The following CSMD1 variants were observed in gnomAD, a reference collection of about 807,000 sequenced individuals.
CSMD1 encodes the protein CUB and sushi domain-containing protein 1.
Under a neutral mutation model 417.5 loss-of-function variants are expected in CSMD1, and 213 were observed. The ratio of observed to expected loss-of-function variants is 0.51; its 90% confidence interval spans 0.46 to 0.57. The LOEUF (loss-of-function observed/expected upper bound fraction) is 0.57, where lower values mean the gene tolerates loss of function less well. Ranked by LOEUF, CSMD1 falls within the 20% of genes least tolerant of loss-of-function variation. CSMD1 has a pLI of 0.00. For synonymous variants in CSMD1, 2,862 were observed against 1,736.8 expected (o/e 1.65, Z -16.11); for missense variants, 6,923 against 4,529.7 (o/e 1.53, Z -15.17).
chr8:4,856,101 G>T (rs1249922645), intron 1 of CSMD1, among the ~76,000 whole-genome samples: 1 of 152,032 alleles, frequency 6.6e-6, no homozygotes, highest in Non-Finnish European at 1.5e-5. Context: ...GAGAGTGGGG[G>T]CCAATATTCA....
intron 1 of CSMD1, among the ~76,000 whole-genome samples, chr8:4,895,345 T>A (rs1804412644): frequency 6.6e-6 from 1 of 152,092 alleles, no homozygotes; most frequent in East Asian, 1.9e-4. Flanking sequence ...GTTTCTGGAG[T>A]AATGTAAGTG....
intron 26 of CSMD1, among the ~76,000 whole-genome samples, chr8:3,281,336 C>T (rs78636048): frequency 0.16 from 24,870 of 151,716 alleles, 2,333 homozygotes; most frequent in East Asian, 0.28. Context: ...CCCAGCTACT[C>T]GGGAGGCTGA....
At chr8:3,138,273 G>A (rs1021613278) in intron 41 of CSMD1, among the ~76,000 whole-genome samples, 90 of 152,142 alleles carry the variant, frequency 5.9e-4, no homozygotes, top group African/African-American at 2.0e-3. Context: ...AAATAAGGCA[G>A]CTTCCTTCTG....
chr8:3,442,752 C>T (rs577997166), intron 12 of CSMD1, among the ~76,000 whole-genome samples: 18 of 152,196 alleles, frequency 1.2e-4, no homozygotes, highest in African/African-American at 3.4e-4. Flanking sequence ...CACATACACA[C>T]GTACATATAT....
At chr8:4,372,572 G>A (rs150605101) in intron 3 of CSMD1, among the ~76,000 whole-genome samples, 1 of 151,496 alleles carries the variant, frequency 6.6e-6, no homozygotes, top group African/African-American at 2.4e-5. Context: ...GCTGTTTCTA[G>A]GTTTGAGGTA....
intron 1 of CSMD1, among the ~76,000 whole-genome samples, chr8:4,893,209 G>C (rs904515826): frequency 1.3e-5 from 2 of 152,066 alleles, no homozygotes; most frequent in East Asian, 1.9e-4. Flanking sequence ...TAAAATAGTT[G>C]TATTGGTATC....
intron 5 of CSMD1, among the ~76,000 whole-genome samples, chr8:3,761,094 G>C (rs1156708452): frequency 1.3e-5 from 2 of 152,002 alleles, no homozygotes; most frequent in East Asian, 1.9e-4. Context: ...GTTTTGAATT[G>C]GCTGTTACTC....
intron 3 of CSMD1, among the ~76,000 whole-genome samples, chr8:4,376,654 C>G (rs997169614): frequency 6.6e-6 from 1 of 152,142 alleles, no homozygotes; most frequent in South Asian, 2.1e-4. Flanking sequence ...CATTCTATAG[C>G]CGTGCTCATA....
At chr8:3,542,936 A>T (rs1232757388) in intron 10 of CSMD1, among the ~76,000 whole-genome samples, 1 of 150,728 alleles carries the variant, frequency 6.6e-6, no homozygotes, top group Non-Finnish European at 1.5e-5. Flanking sequence ...CTCTCCTGAG[A>T]CTTGGGGGAC....
intron 1 of CSMD1, among the ~76,000 whole-genome samples, chr8:4,777,301 G>A (rs977429488): frequency 2.6e-5 from 4 of 152,208 alleles, no homozygotes; most frequent in African/African-American, 4.8e-5. Context: ...TCAGTAGGTG[G>A]ACGAAACCAG....
chr8:4,928,506 A>AGC (rs1807027106), intron 1 of CSMD1, among the ~76,000 whole-genome samples: 1 of 152,188 alleles, frequency 6.6e-6, no homozygotes, highest in Non-Finnish European at 1.5e-5. Flanking sequence ...TGAGCAAGTT[A>AGC]CTGGCCCTCC....
chr8:3,564,677 A>G (rs1799623029), intron 10 of CSMD1, among the ~76,000 whole-genome samples: 1 of 152,086 alleles, frequency 6.6e-6, no homozygotes, highest in Non-Finnish European at 1.5e-5. Flanking sequence ...GTGTTATAAG[A>G]AAATCAATCC....
At chr8:4,903,963 A>T (rs534313657) in intron 1 of CSMD1, among the ~76,000 whole-genome samples, 1 of 152,196 alleles carries the variant, frequency 6.6e-6, no homozygotes, top group South Asian at 2.1e-4. Flanking sequence ...AATTTAAATA[A>T]ATCTTCTCAT....
chr8:3,833,933 G>C (rs149022242), intron 5 of CSMD1, among the ~76,000 whole-genome samples: 168 of 152,154 alleles, frequency 1.1e-3, no homozygotes, highest in Middle Eastern at 3.4e-3. Flanking sequence ...ATGTATTATT[G>C]GTTGGTTGTT....
At chr8:3,311,811 G>C (rs879784921) in intron 23 of CSMD1, among the ~76,000 whole-genome samples, 1 of 151,918 alleles carries the variant, frequency 6.6e-6, no homozygotes, top group Non-Finnish European at 1.5e-5. Context: ...CTTCACTGGA[G>C]ACATGTGTAA....
chr8:4,706,317 TAAATA>T (rs1379479920), intron 1 of CSMD1, among the ~76,000 whole-genome samples: 4 of 152,032 alleles, frequency 2.6e-5, no homozygotes, highest in South Asian at 2.1e-4. Flanking sequence ...AAATAAGAAA[TAAATA>T]AAATACTTTT....
chr8:3,287,638 T>A (rs536494925), intron 25 of CSMD1, among the ~76,000 whole-genome samples: 4 of 152,198 alleles, frequency 2.6e-5, no homozygotes, highest in Admixed American at 2.0e-4. Context: ...CTTGTGATTT[T>A]TGCACATTGA....
At chr8:3,602,444 C>T (rs1224388403) in intron 8 of CSMD1, among the ~76,000 whole-genome samples, 2 of 151,986 alleles carry the variant, frequency 1.3e-5, no homozygotes, top group Non-Finnish European at 2.9e-5. Flanking sequence ...GGGGAATGGC[C>T]CCAAAATCAA....
At chr8:4,105,572 T>C (rs994523769) in intron 3 of CSMD1, among the ~76,000 whole-genome samples, 3 of 152,102 alleles carry the variant, frequency 2.0e-5, no homozygotes, top group Non-Finnish European at 4.4e-5. Context: ...AGCAAATTCA[T>C]TGTCTATGAG....
Sources: allele counts gnomAD v4.1 joint callset (sites outside exome capture counted in the v4.1 genomes callset), GRCh38; gene constraint gnomAD v4.1.1; transcripts MANE v1.5; gene names NCBI Gene and HGNC (gene_info 2026-07-23, HGNC 2026-07-21).